ABCC4: variants seen among roughly 807,000 people sequenced by gnomAD.
The protein encoded by ABCC4 is ATP-binding cassette sub-family C member 4.
A neutral mutation model predicts 168.5 loss-of-function variants in ABCC4; 102 were observed. The observed-to-expected ratio is 0.61, with a 90% CI of 0.52 to 0.71. ABCC4 has a LOEUF of 0.71. ABCC4 is among the 30% of genes least tolerant of loss of function. The pLI is 0.00. For synonymous variants in ABCC4, 617 were observed against 590.7 expected (o/e 1.04, Z -0.65); for missense variants, 1,402 against 1,605.8 (o/e 0.87, Z 2.17).
At chr13:95,189,095 G>A (rs1594264277) in intron 9 of ABCC4, among the ~76,000 whole-genome samples, 1 of 115,996 alleles carries the variant, frequency 8.6e-6, no homozygotes, top group African/African-American at 3.4e-5. Context: ...CCCTCCCTGT[G>A]TCCATGTGTT....
chr13:95,223,289 T>C (rs1323218717), intron 4 of ABCC4, among the ~76,000 whole-genome samples: 1 of 152,130 alleles, frequency 6.6e-6, no homozygotes, highest in African/African-American at 2.4e-5. Context: ...AAAGAAAATT[T>C]AACTCAGGGC....
chr13:95,115,207 T>A (rs942878804), intron 20 of ABCC4, among the ~76,000 whole-genome samples: 7 of 150,310 alleles, frequency 4.7e-5, no homozygotes, highest in Middle Eastern at 3.5e-3. Context: ...CCAATATTAT[T>A]TTTTAGAGCC....
intron 1 of ABCC4, among the ~76,000 whole-genome samples, chr13:95,251,956 C>G (rs1275549483): frequency 2.0e-5 from 3 of 152,318 alleles, no homozygotes; most frequent in South Asian, 2.1e-4. Flanking sequence ...AAATCTCCCA[C>G]AAACCCACCC....
At chr13:95,301,173 G>A (rs575090168) in intron 1 of ABCC4, 68 bp downstream of exon 1, 1 of 1,440,576 alleles carries the variant, frequency 6.9e-7, no homozygotes, top group African/African-American at 1.5e-5. Flanking sequence ...CATCGGGCGC[G>A]GCCCCGGGAG....
rs151147298 is a variant in ABCC4, at chr13:95,070,549, C to T, written c.3210+1113G>A. 9.1e-4 allele frequency among the ~76,000 whole-genome samples: 138 copies of T among 152,290 alleles called. 2 individuals carry two copies. In the East Asian group the frequency reaches 0.025, roughly 27 times the overall value. ...TGGCAGACTTAGATACCTGCAAAACCAGCTCACAAAACTCCACACAGCCTC... is the reference window on the plus strand; with the variant it reads ...TGGCAGACTTAGATACCTGCAAAACTAGCTCACAAAACTCCACACAGCCTC... On this transcript the variant is annotated intron_variant, in intron 25 of 30. Transcript: ENST00000645237.
At chr13:95,296,180 ACAC>A (rs2041531013) in intron 1 of ABCC4, among the ~76,000 whole-genome samples, 934 of 16,002 alleles carry the variant, frequency 0.058, 16 homozygotes, top group African/African-American at 0.099. Context: ...ACACACACAC[ACAC>A]AAAAACACAA....
intron 25 of ABCC4, among the ~76,000 whole-genome samples, chr13:95,069,665 A>T (rs1594044568): frequency 6.6e-6 from 1 of 152,076 alleles, no homozygotes; most frequent in Admixed American, 6.6e-5. Flanking sequence ...TCCATGACTA[A>T]CTACTCCAGG....
chr13:95,057,474 G>A (rs1161079447), intron 26 of ABCC4, among the ~76,000 whole-genome samples: 5 of 152,086 alleles, frequency 3.3e-5, no homozygotes, highest in Admixed American at 2.0e-4. Flanking sequence ...TCTTGACCTC[G>A]TGATCCACCC....
chr13:95,276,804 A>C (rs887809947), intron 1 of ABCC4, among the ~76,000 whole-genome samples: 3 of 152,212 alleles, frequency 2.0e-5, no homozygotes, highest in African/African-American at 7.2e-5. Context: ...AGATCACCTG[A>C]GGCCAGGAGT....
intron 27 of ABCC4, among the ~76,000 whole-genome samples, chr13:95,046,651 C>T (rs1180744689): frequency 6.6e-6 from 1 of 151,792 alleles, no homozygotes; most frequent in Non-Finnish European, 1.5e-5. Context: ...ACTTGTAATC[C>T]CATTAGGAGG....
intron 19 of ABCC4, among the ~76,000 whole-genome samples, chr13:95,131,612 G>C (rs1310735569): frequency 6.6e-6 from 1 of 152,052 alleles, no homozygotes; most frequent in East Asian, 1.9e-4. Flanking sequence ...CTGGGCAACA[G>C]AGCAAGACTG....
At chr13:95,085,014 C>T (rs575442674) in intron 20 of ABCC4, among the ~76,000 whole-genome samples, 3 of 152,352 alleles carry the variant, frequency 2.0e-5, no homozygotes, top group African/African-American at 4.8e-5. Flanking sequence ...GAAACCACAA[C>T]GCTTGCTTCT....
At chr13:95,091,190 A>C (rs550296742) in intron 20 of ABCC4, among the ~76,000 whole-genome samples, 1 of 152,234 alleles carries the variant, frequency 6.6e-6, no homozygotes, top group Non-Finnish European at 1.5e-5. Context: ...TTCCTGAGGA[A>C]GAAGAGAATT....
intron 1 of ABCC4, among the ~76,000 whole-genome samples, chr13:95,261,281 T>C (rs1435446739): frequency 6.6e-6 from 1 of 151,916 alleles, no homozygotes; most frequent in Non-Finnish European, 1.5e-5. Context: ...AAACCCCGTC[T>C]CTACTAAAAA....
chr13:95,272,412 C>T (rs1369850972), intron 1 of ABCC4, among the ~76,000 whole-genome samples: 1 of 152,118 alleles, frequency 6.6e-6, no homozygotes, highest in African/African-American at 2.4e-5. Context: ...TTATACTGTT[C>T]ATTTGCCCTA....
At chr13:95,038,883 T>C (rs2032241160) in intron 29 of ABCC4, among the ~76,000 whole-genome samples, 1 of 152,072 alleles carries the variant, frequency 6.6e-6, no homozygotes, top group Non-Finnish European at 1.5e-5. Context: ...GGTATAGGGA[T>C]GCTAGGATTC....
chr13:95,252,780 A>T (rs1018775980), intron 1 of ABCC4, among the ~76,000 whole-genome samples: 5 of 152,240 alleles, frequency 3.3e-5, no homozygotes, highest in African/African-American at 1.2e-4. Context: ...AGGGTCTTCA[A>T]TGAGGGTAGT....
intron 19 of ABCC4, among the ~76,000 whole-genome samples, chr13:95,140,725 T>C (rs778824884): frequency 6.6e-6 from 1 of 152,252 alleles, no homozygotes; most frequent in African/African-American, 2.4e-5. Context: ...AGTTATATTC[T>C]TGGCCTAGTA....
chr13:95,254,097 T>C (rs1333246359), intron 1 of ABCC4, among the ~76,000 whole-genome samples: 1 of 152,068 alleles, frequency 6.6e-6, no homozygotes, highest in Non-Finnish European at 1.5e-5. Flanking sequence ...AGAGTCTCAT[T>C]ATATTGCCCA....
Sources: allele counts gnomAD v4.1 joint callset (sites outside exome capture counted in the v4.1 genomes callset), GRCh38; gene constraint gnomAD v4.1.1; transcripts MANE v1.5; gene names NCBI Gene and HGNC (gene_info 2026-07-23, HGNC 2026-07-21).